The following GCC2 variants were observed in gnomAD, a reference collection of about 807,000 sequenced individuals.
GCC2 encodes the protein GRIP and coiled-coil domain containing 2.
A neutral mutation model predicts 210.6 loss-of-function variants in GCC2; 120 were observed. The observed-to-expected ratio is 0.57, with a 90% CI of 0.49 to 0.66. The LOEUF (loss-of-function observed/expected upper bound fraction) is 0.66, where lower values mean the gene tolerates loss of function less well. GCC2 is among the 30% of genes least tolerant of loss of function. The pLI is 0.00. For synonymous variants in GCC2, 703 were observed against 652.7 expected (o/e 1.08, Z -1.17); for missense variants, 1,868 against 1,871.9 (o/e 1.00, Z 0.04).
chr2:108,454,630 G>A (rs1241465489), intron 4 of GCC2, among the ~76,000 whole-genome samples: 4 of 152,166 alleles, frequency 2.6e-5, no homozygotes, highest in African/African-American at 9.7e-5. Context: ...CCTGAGTCAG[G>A]CTTTCAAATC....
rs61746003 is a variant in GCC2, at chr2:108,470,594, A to G, written c.1265A>G (p.His422Arg). 63 of 1,611,018 alleles carry G rather than the reference A, an allele frequency of 3.9e-5. No homozygotes were observed. In the African/African-American group the frequency reaches 7.1e-4, roughly 18 times the overall value. Residue 422 changes from histidine (H) to arginine (R), a missense_variant, in exon 6 of 23, where the codon CAT becomes CGT. Physicochemically the swap from His to Arg is conservative, Grantham distance 29 (BLOSUM62 0). Around this residue, in one of 3 missense-constraint regions of GCC2, gnomAD observed 1,847 missense variants for 1,765.2 expected, o/e 1.05. Transcript: ENST00000309863. ...CAGTTTTGCTATACTGTAGAACAGC[A>G]TAACAGAGAAGTACAGAGTCTTAAG... is the stretch of plus-strand genomic sequence containing the variant. ...NKQFCYTVEQ[H>R]NREVQSLKEQ...
rs1174490806 is a variant in GCC2 at position 108,481,691 on chromosome 2, T to C, written c.3061-6T>C. The C allele has an allele frequency of 1.9e-6, 3 of 1,577,218 alleles. No homozygotes were observed. Among genetic ancestry groups the C allele is most frequent in the South Asian group, 1.2e-5 (1 of 84,952 alleles). On this transcript the variant is annotated splice_polypyrimidine_tract_variant and splice_region_variant and intron_variant, in intron 9 of 22. Coordinates refer to ENST00000309863, the MANE Select transcript of GCC2 (RefSeq NM_181453.4). ...ATACCAAAGTTAAATCCTTCTTTTA[T>C]TGAAGAATCTTTTATTAGAATATGA... is the stretch of plus-strand genomic sequence containing the variant.
chr2:108,477,023 T>C (rs1473234551), intron 9 of GCC2, among the ~76,000 whole-genome samples: 2 of 152,196 alleles, frequency 1.3e-5, no homozygotes, highest in Non-Finnish European at 2.9e-5. Context: ...AGGATGACTA[T>C]TATTTGAACT....
chr2:108,460,017 T>G (rs973072872), intron 4 of GCC2, among the ~76,000 whole-genome samples: 1 of 151,884 alleles, frequency 6.6e-6, no homozygotes, highest in Non-Finnish European at 1.5e-5. Context: ...GCCCAGCTAA[T>G]TTTTTGCATT....
intron 4 of GCC2, among the ~76,000 whole-genome samples, chr2:108,456,636 G>A (rs1009464034): frequency 2.6e-5 from 4 of 152,100 alleles, no homozygotes; most frequent in African/African-American, 9.7e-5. Context: ...CCATTTAAGA[G>A]GTTGTCTTCT....
At chr2:108,468,775 T>C (rs1002718695) in intron 4 of GCC2, among the ~76,000 whole-genome samples, 9 of 152,210 alleles carry the variant, frequency 5.9e-5, no homozygotes, top group Non-Finnish European at 8.8e-5. Context: ...CAGTTCATCC[T>C]CCTCCGTAAT....
intron 9 of GCC2, among the ~76,000 whole-genome samples, chr2:108,480,051 A>G (rs1051809492): frequency 1.3e-5 from 2 of 151,458 alleles, no homozygotes; most frequent in African/African-American, 4.9e-5. Context: ...TGAGCCAAGG[A>G]CACAAGAGGT....
At chr2:108,456,211 C>T (rs1021156748) in intron 4 of GCC2, among the ~76,000 whole-genome samples, 2 of 151,866 alleles carry the variant, frequency 1.3e-5, no homozygotes, top group Non-Finnish European at 2.9e-5. Context: ...GGTCTCGATC[C>T]CCTGACCACT....
At chr2:108,454,918 G>A (rs1680170694) in intron 4 of GCC2, among the ~76,000 whole-genome samples, 1 of 151,256 alleles carries the variant, frequency 6.6e-6, no homozygotes, top group African/African-American at 2.4e-5. Flanking sequence ...CTTGAGATAG[G>A]ATTTCTCCCT....
At chr2:108,449,398 C>A in intron 1 of GCC2, 118 bp downstream of exon 1, 1 of 1,452,440 alleles carries the variant, frequency 6.9e-7, no homozygotes, top group Non-Finnish European at 9.2e-7. Context: ...GAAGCCCGCG[C>A]TGCTGTCGCC....
intron 4 of GCC2, among the ~76,000 whole-genome samples, chr2:108,458,510 C>T (rs1243870199): frequency 6.7e-6 from 1 of 150,284 alleles, no homozygotes; most frequent in Non-Finnish European, 1.5e-5. Flanking sequence ...GGTATTAGGT[C>T]TTTATACATT....
intron 4 of GCC2, among the ~76,000 whole-genome samples, chr2:108,463,687 C>T (rs950743225): frequency 3.3e-5 from 5 of 152,192 alleles, no homozygotes; most frequent in Non-Finnish European, 7.4e-5. Flanking sequence ...GTAGCTTGAT[C>T]AGGTGCTGGG....
rs189414545 is a variant in GCC2, at chr2:108,493,503, A to T, written c.4447+713A>T. On this transcript the variant is annotated intron_variant, in intron 19 of 22. Transcript: ENST00000309863. ...TAGATAGAGCAAGGAACTTAGAAAC[A>T]CTCAAGCGGCACTGAATGTGTTAGA... The T allele has an allele frequency of 5.6e-4, 555 of 986,446 alleles. 5 individuals are homozygous for T. The African/African-American group carries it at 7.9e-3, about 14-fold the overall frequency. 61.1% of individuals were successfully genotyped at this position (986,446 alleles called of 1,614,324 possible). A position where few individuals can be genotyped will look rare whatever the true frequency, so the allele number is the denominator to read the frequency against.
At chr2:108,480,384 G>A (rs2104472707) in intron 9 of GCC2, among the ~76,000 whole-genome samples, 1 of 152,248 alleles carries the variant, frequency 6.6e-6, no homozygotes, top group East Asian at 1.9e-4. Flanking sequence ...ATTTGACCCA[G>A]CAATCCCGTT....
At chr2:108,457,281 G>A (rs1447256571) in intron 4 of GCC2, among the ~76,000 whole-genome samples, 1 of 152,074 alleles carries the variant, frequency 6.6e-6, no homozygotes, top group African/African-American at 2.4e-5. Context: ...TGGCATTGTC[G>A]AAGATCGGTT....
In GCC2 at chr2:108,492,645, C is replaced by T; in HGVS notation, c.4302C>T (p.Ser1434=). The T allele has an allele frequency of 6.2e-7, 1 of 1,613,750 alleles. No individual in the cohort carries two copies. The highest frequency in any genetic ancestry group is 8.5e-7 in the Non-Finnish European group (1 of 1,179,676). ...CACAGACTGTGAGTCAGCTAACATCCCAGAACGAGGTCCTTCGAAATAGCT... is the reference window on the plus strand; with the variant it reads ...CACAGACTGTGAGTCAGCTAACATCTCAGAACGAGGTCCTTCGAAATAGCT... The part of the protein sequence containing the change: ...EHTQTVSQLT[S]QNEVLRNSFR... The change falls in exon 19 of 23, where the codon TCC becomes TCT. Residue 1434 remains serine (S), a synonymous_variant. Coordinates refer to ENST00000309863, the MANE Select transcript of GCC2 (RefSeq NM_181453.4).
chr2:108,476,054 CTTTTTTTTTTTTT>C (rs56236751), intron 9 of GCC2, among the ~76,000 whole-genome samples: 3 of 96,322 alleles, frequency 3.1e-5, no homozygotes, highest in African/African-American at 7.5e-5. Context: ...TAGTGGCTTG[CTTTTTTTTTTTTT>C]TTTTTTTTTT....
At chr2:108,485,957 G>C (rs1682119225) in intron 15 of GCC2, 49 bp downstream of exon 15, 2 of 854,088 alleles carry the variant, frequency 2.3e-6, no homozygotes, top group African/African-American at 3.5e-5. Context: ...TCATGTAGAA[G>C]TGAGGTACCA....
chr2:108,450,196 A>G (rs139628982), intron 2 of GCC2, among the ~76,000 whole-genome samples: 1 of 152,356 alleles, frequency 6.6e-6, no homozygotes, highest in East Asian at 1.9e-4. Context: ...GCTTCATGAT[A>G]ACCATGAGAT....
Sources: gnomAD v4.1 joint callset for allele counts (sites outside exome capture counted in the v4.1 genomes callset) on GRCh38, gnomAD v4.1.1 for gene constraint, gnomAD v4.1.1 regional missense constraint, MANE v1.5 for transcripts, NCBI Gene and HGNC (gene_info 2026-07-23, HGNC 2026-07-21) for gene names.